GNAQ: variants seen among roughly 807,000 people sequenced by gnomAD.
The protein encoded by GNAQ is G protein subunit alpha q.
Under a neutral mutation model 43.9 loss-of-function variants are expected in GNAQ, and 8 were observed. That is an observed-to-expected ratio of 0.18 (90% CI 0.11 to 0.33). The LOEUF is 0.33. Ranked by LOEUF, GNAQ falls within the 10% of genes least tolerant of loss-of-function variation. GNAQ has a pLI of 1.00. For missense variants in GNAQ, 158 were observed against 450.8 expected (o/e 0.35, Z 5.88); for synonymous variants, 155 against 170.7 (o/e 0.91, Z 0.71).
intron 2 of GNAQ, among the ~76,000 whole-genome samples, chr9:77,879,912 T>C (rs1313542030): frequency 6.6e-6 from 1 of 152,224 alleles, no homozygotes. Flanking sequence ...AGCTGTATTT[T>C]ACAGCCCCTG....
intron 2 of GNAQ, among the ~76,000 whole-genome samples, chr9:77,830,996 T>C (rs1381553265): frequency 6.6e-6 from 1 of 152,224 alleles, no homozygotes; most frequent in Non-Finnish European, 1.5e-5. Flanking sequence ...CTGACATCAG[T>C]GAAGATGGAC....
intron 2 of GNAQ, among the ~76,000 whole-genome samples, chr9:77,852,596 G>T (rs532833076): frequency 1.3e-5 from 2 of 152,278 alleles, no homozygotes; most frequent in African/African-American, 4.8e-5. Flanking sequence ...TCACAGCAAG[G>T]TGAATTTACA....
At chr9:77,939,011 GGA>G (rs924235308) in intron 1 of GNAQ, among the ~76,000 whole-genome samples, 9 of 152,190 alleles carry the variant, frequency 5.9e-5, no homozygotes, top group Admixed American at 5.2e-4. Context: ...GCATGAAGGA[GGA>G]GAGGGCAGCC....
chr9:77,968,238 G>A (rs763012470), intron 1 of GNAQ, among the ~76,000 whole-genome samples: 4 of 151,850 alleles, frequency 2.6e-5, no homozygotes, highest in South Asian at 2.1e-4. Context: ...GAACTGAAAC[G>A]GTAGAAAGGC....
intron 5 of GNAQ, among the ~76,000 whole-genome samples, chr9:77,775,944 G>T (rs138090234): frequency 3.0e-4 from 45 of 151,986 alleles, no homozygotes; most frequent in Middle Eastern, 3.4e-3. Flanking sequence ...AAAAATAAAA[G>T]AAAAGAAAAA....
intron 1 of GNAQ, among the ~76,000 whole-genome samples, chr9:77,958,890 C>T (rs928220085): frequency 2.6e-5 from 4 of 152,180 alleles, no homozygotes; most frequent in African/African-American, 4.8e-5. Flanking sequence ...GCAAACTCCT[C>T]AATTCTTTCA....
intron 5 of GNAQ, among the ~76,000 whole-genome samples, chr9:77,766,153 A>G (rs1167074659): frequency 6.6e-6 from 1 of 152,230 alleles, no homozygotes; most frequent in Non-Finnish European, 1.5e-5. Context: ...TACCTGCACA[A>G]TAATGTGAAT....
At chr9:77,768,333 T>G (rs948827452) in intron 5 of GNAQ, among the ~76,000 whole-genome samples, 6 of 152,186 alleles carry the variant, frequency 3.9e-5, no homozygotes, top group Non-Finnish European at 8.8e-5. Context: ...AAAAGATGAC[T>G]GAACTAGATG....
At chr9:77,738,514 C>T (rs1825607564) in intron 5 of GNAQ, among the ~76,000 whole-genome samples, 1 of 152,140 alleles carries the variant, frequency 6.6e-6, no homozygotes, top group Non-Finnish European at 1.5e-5. Flanking sequence ...GTTGAATTGC[C>T]CACATAAAAC....
At chr9:77,776,714 A>G (rs778986776) in intron 5 of GNAQ, among the ~76,000 whole-genome samples, 1 of 152,182 alleles carries the variant, frequency 6.6e-6, no homozygotes, top group East Asian at 1.9e-4. Flanking sequence ...AACACAATGA[A>G]AAATACTGTA....
intron 2 of GNAQ, among the ~76,000 whole-genome samples, chr9:77,902,536 T>C (rs781153825): frequency 1.3e-5 from 2 of 152,202 alleles, no homozygotes; most frequent in African/African-American, 2.4e-5. Context: ...TCAGCTAAAA[T>C]ATTTAGTTTT....
intron 2 of GNAQ, among the ~76,000 whole-genome samples, chr9:77,874,536 T>C (rs76919960): frequency 0.012 from 1,831 of 152,280 alleles, 32 homozygotes; most frequent in Middle Eastern, 0.041. Context: ...GGGGCAACAA[T>C]CCTTCCCTAT....
At chr9:77,886,618 T>A (rs186141730) in intron 2 of GNAQ, among the ~76,000 whole-genome samples, 1 of 152,272 alleles carries the variant, frequency 6.6e-6, no homozygotes, top group Non-Finnish European at 1.5e-5. Flanking sequence ...GACAATACAG[T>A]ATTTACAAGA....
At chr9:77,762,304 G>A (rs909978072) in intron 5 of GNAQ, among the ~76,000 whole-genome samples, 1 of 145,410 alleles carries the variant, frequency 6.9e-6, no homozygotes, top group African/African-American at 2.6e-5. Flanking sequence ...AGGTGGGGGG[G>A]TCAGCCCCCC....
chr9:77,721,762 A>G (rs1435936323), intron 6 of GNAQ, among the ~76,000 whole-genome samples: 1 of 152,124 alleles, frequency 6.6e-6, no homozygotes. Context: ...GGCTAAGTTT[A>G]TTTCTTAGCT....
intron 1 of GNAQ, among the ~76,000 whole-genome samples, chr9:77,945,403 G>A (rs908850074): frequency 2.0e-5 from 3 of 152,102 alleles, no homozygotes; most frequent in Non-Finnish European, 4.4e-5. Flanking sequence ...TAAACTAAAT[G>A]TACTGCCTCA....
intron 5 of GNAQ, among the ~76,000 whole-genome samples, chr9:77,749,539 A>G (rs372802629): frequency 1.3e-5 from 2 of 152,230 alleles, no homozygotes; most frequent in East Asian, 1.9e-4. Flanking sequence ...TCCATAAATA[A>G]TATACTAAAT....
In GNAQ at chr9:77,723,069, A is replaced by C. The variant is rs149711872; in HGVS notation, c.890-1556T>G. On this transcript the variant is annotated intron_variant, in intron 6 of 6. Coordinates refer to ENST00000286548, the MANE Select transcript of GNAQ (RefSeq NM_002072.5). ...GAGCTCCTACAATTCAATAACAAAA[A>C]ACCCAATTAAAAAATAGGCAAAAGA... 1.5e-3 allele frequency among the ~76,000 whole-genome samples: 228 copies of C among 152,368 alleles called. 2 individuals carry two copies. The highest frequency in any genetic ancestry group is 4.2e-3 in the African/African-American group (173 of 41,588).
chr9:77,954,076 T>C (rs1234118442), intron 1 of GNAQ, among the ~76,000 whole-genome samples: 1 of 152,224 alleles, frequency 6.6e-6, no homozygotes, highest in Non-Finnish European at 1.5e-5. Flanking sequence ...ATGAAAACTG[T>C]TTCATTTCCT....
Sources: allele counts gnomAD v4.1 joint callset (sites outside exome capture counted in the v4.1 genomes callset), GRCh38; gene constraint gnomAD v4.1.1; transcripts MANE v1.5; gene names NCBI Gene and HGNC (gene_info 2026-07-23, HGNC 2026-07-21).